The following HNRNPF variants were observed in gnomAD, a reference collection of about 807,000 sequenced individuals.
HNRNPF encodes HnRNP F protein.
A neutral mutation model predicts 26.0 loss-of-function variants in HNRNPF; 2 were observed. That is an observed-to-expected ratio of 0.08 (90% CI 0.03 to 0.24). HNRNPF has a LOEUF of 0.24. Ranked by LOEUF, HNRNPF falls within the 10% of genes least tolerant of loss-of-function variation. The pLI is 1.00. For synonymous variants in HNRNPF, 234 were observed against 211.5 expected (o/e 1.11, Z -0.92); for missense variants, 299 against 539.2 (o/e 0.55, Z 4.41).
At chr10:43,397,523 G>A (rs933444227) in intron 1 of HNRNPF, among the ~76,000 whole-genome samples, 1 of 152,224 alleles carries the variant, frequency 6.6e-6, no homozygotes, top group Non-Finnish European at 1.5e-5. Context: ...AGTGCAGAGT[G>A]GAAGAGAAGC....
At chr10:43,404,945 G>A (rs1291972552) in intron 1 of HNRNPF, among the ~76,000 whole-genome samples, 3 of 152,300 alleles carry the variant, frequency 2.0e-5, no homozygotes, top group East Asian at 3.9e-4. Context: ...TGCGAAGTGT[G>A]GGGAAGGAAT....
Position 43,397,657 on chromosome 10 carries a change from A to T in HNRNPF, c.-246-1067T>A, listed in dbSNP as rs557188964. 2.4e-4 allele frequency among the ~76,000 whole-genome samples: 36 copies of T among 152,352 alleles called. 1 individual carries two copies. In the South Asian group the frequency reaches 7.2e-3, roughly 31 times the overall value. On this transcript the variant is annotated intron_variant, in intron 1 of 3. Transcript: ENST00000682386. ...ATTTTGAAAAAAAATCTTTGAAAAA[A>T]AATTTTTTTAACGCAATTCCTAAAC...
intron 1 of HNRNPF, among the ~76,000 whole-genome samples, chr10:43,406,203 G>A (rs1340531626): frequency 6.6e-6 from 1 of 152,170 alleles, no homozygotes; most frequent in Non-Finnish European, 1.5e-5. Flanking sequence ...TCACCTCCAA[G>A]GAAAGGGCCT....
At chr10:43,405,296 T>A (rs1485240766) in intron 1 of HNRNPF, among the ~76,000 whole-genome samples, 1 of 152,234 alleles carries the variant, frequency 6.6e-6, no homozygotes, top group Non-Finnish European at 1.5e-5. Flanking sequence ...GCTCTGAATT[T>A]AAAAAGTTAT....
intron 1 of HNRNPF, among the ~76,000 whole-genome samples, chr10:43,400,650 T>C (rs1240506002): frequency 1.3e-5 from 2 of 152,338 alleles, no homozygotes; most frequent in East Asian, 3.9e-4. Context: ...TCAAGAATTA[T>C]GATACAAGAC....
chr10:43,406,918 GTAA>G (rs2131994749), intron 1 of HNRNPF, among the ~76,000 whole-genome samples: 1 of 152,232 alleles, frequency 6.6e-6, no homozygotes, highest in African/African-American at 2.4e-5. Context: ...CATTAAAGTA[GTAA>G]TGTCTTATTT....
intron 3 of HNRNPF, among the ~76,000 whole-genome samples, chr10:43,393,144 A>C (rs942579933): frequency 2.0e-5 from 3 of 152,222 alleles, no homozygotes; most frequent in Non-Finnish European, 4.4e-5. Flanking sequence ...TGTTCCTAAC[A>C]CGTTGAATGG....
chr10:43,391,330 C>T (rs947481669), intron 3 of HNRNPF, among the ~76,000 whole-genome samples: 3 of 151,364 alleles, frequency 2.0e-5, no homozygotes, highest in African/African-American at 7.3e-5. Flanking sequence ...TGGTGGTGGG[C>T]GCCTGTAGTC....
intron 3 of HNRNPF, among the ~76,000 whole-genome samples, chr10:43,392,437 G>A (rs991769202): frequency 1.3e-5 from 2 of 152,160 alleles, no homozygotes; most frequent in African/African-American, 4.8e-5. Flanking sequence ...TACTCCAGAC[G>A]CTGGGACAGG....
intron 1 of HNRNPF, among the ~76,000 whole-genome samples, chr10:43,400,604 T>C (rs1838722408): frequency 6.6e-6 from 1 of 152,212 alleles, no homozygotes; most frequent in South Asian, 2.1e-4. Context: ...AAAATTCCTA[T>C]TCAGTCACTC....
At chr10:43,397,949 T>TTTA (rs1838617054) in intron 1 of HNRNPF, among the ~76,000 whole-genome samples, 1 of 152,244 alleles carries the variant, frequency 6.6e-6, no homozygotes, top group African/African-American at 2.4e-5. Flanking sequence ...ACTAGTAATT[T>TTTA]TTATTAAAGC....
At chr10:43,399,991 G>A (rs147747402) in intron 1 of HNRNPF, among the ~76,000 whole-genome samples, 2 of 152,362 alleles carry the variant, frequency 1.3e-5, no homozygotes, top group East Asian at 3.9e-4. Flanking sequence ...GGAACACTGA[G>A]TGATGAATTT....
At chr10:43,395,043 A>G (rs1288576194) in intron 2 of HNRNPF, among the ~76,000 whole-genome samples, 1 of 151,846 alleles carries the variant, frequency 6.6e-6, no homozygotes, top group South Asian at 2.1e-4. Flanking sequence ...CTGGTCCCAA[A>G]CTCCTGACCT....
chr10:43,395,914 AAG>A (rs749787945), intron 2 of HNRNPF, among the ~76,000 whole-genome samples: 14 of 152,224 alleles, frequency 9.2e-5, no homozygotes, highest in South Asian at 2.1e-4. Flanking sequence ...CACGCAGAGG[AAG>A]AGTCTGGTCT....
At chr10:43,408,575 A>G (rs1839004353) in intron 1 of HNRNPF, among the ~76,000 whole-genome samples, 1 of 151,862 alleles carries the variant, frequency 6.6e-6, no homozygotes, top group Admixed American at 6.5e-5. Flanking sequence ...CAATAGGCCC[A>G]GTCCCCAGGT....
intron 3 of HNRNPF, among the ~76,000 whole-genome samples, chr10:43,390,592 T>C (rs1195888613): frequency 6.6e-6 from 1 of 152,154 alleles, no homozygotes; most frequent in Non-Finnish European, 1.5e-5. Context: ...CTCTCCTCAT[T>C]CTTCATAATC....
chr10:43,386,629 TAACAA>T lies in HNRNPF; in HGVS notation c.*3_*7del, dbSNP rs1367721885. On this transcript the variant is annotated 3_prime_UTR_variant, in exon 4 of 4. Coordinates refer to ENST00000682386, the MANE Select transcript of HNRNPF (RefSeq NM_001098204.2). ...ATGATTGAAGTAACTCAAATGTTCC[TAACAA>T]AACTAGTCATAGCCACCCATGCTGT... is the stretch of plus-strand genomic sequence containing the variant. The T allele has an allele frequency of 2.6e-6, 4 of 1,532,814 alleles. No homozygotes were observed. Among genetic ancestry groups the T allele is most frequent in the African/African-American group, 2.8e-5 (2 of 71,780 alleles). 95.0% of individuals were successfully genotyped at this position (1,532,814 alleles called of 1,614,324 possible). A position where few individuals can be genotyped will look rare whatever the true frequency, so the allele number is the denominator to read the frequency against.
chr10:43,389,278 C>A (rs1049214863), intron 3 of HNRNPF, among the ~76,000 whole-genome samples: 16 of 151,986 alleles, frequency 1.1e-4, no homozygotes, highest in African/African-American at 3.6e-4. Context: ...AGCTGGAAAT[C>A]GAATGTTTCA....
At chr10:43,405,713 G>A (rs891839024) in intron 1 of HNRNPF, among the ~76,000 whole-genome samples, 4 of 152,094 alleles carry the variant, frequency 2.6e-5, no homozygotes, top group African/African-American at 9.7e-5. Flanking sequence ...TTGATATTTT[G>A]GAATGTATTT....
Sources: allele counts gnomAD v4.1 joint callset (sites outside exome capture counted in the v4.1 genomes callset), GRCh38; gene constraint gnomAD v4.1.1; transcripts MANE v1.5; gene names NCBI Gene and HGNC (gene_info 2026-07-23, HGNC 2026-07-21).